The following RSU1 variants were observed in gnomAD, a reference collection of about 807,000 sequenced individuals.
RSU1 encodes Ras suppressor protein 1.
RSU1 carries 26 observed loss-of-function variants against 31.1 expected under a neutral mutation model. The ratio of observed to expected loss-of-function variants is 0.84; its 90% CI spans 0.61 to 1.16. The LOEUF (loss-of-function observed/expected upper bound fraction) is 1.16, where lower values mean the gene tolerates loss of function less well. Ranked by LOEUF, RSU1 falls within the 50% of genes most tolerant of loss-of-function variation. RSU1 has a pLI of 0.00. For missense variants in RSU1, 320 were observed against 339.1 expected (o/e 0.94, Z 0.44); for synonymous variants, 164 against 136.3 (o/e 1.20, Z -1.41).
chr10:16,811,053 T>C (rs1838398368), intron 2 of RSU1, among the ~76,000 whole-genome samples: 1 of 152,130 alleles, frequency 6.6e-6, no homozygotes, highest in Non-Finnish European at 1.5e-5. Flanking sequence ...ACCACAAATA[T>C]GACAGCGGTC....
At chr10:16,666,494 T>G (rs1310123943) in intron 8 of RSU1, among the ~76,000 whole-genome samples, 2 of 152,198 alleles carry the variant, frequency 1.3e-5, no homozygotes, top group Non-Finnish European at 2.9e-5. Context: ...GAGAGTTATC[T>G]GGGCCAGGCG....
At chr10:16,808,913 T>C (rs529682355) in intron 2 of RSU1, among the ~76,000 whole-genome samples, 5 of 152,256 alleles carry the variant, frequency 3.3e-5, no homozygotes, top group East Asian at 3.9e-4. Flanking sequence ...GGGAAGATCA[T>C]GTGAGCACAG....
intron 3 of RSU1, among the ~76,000 whole-genome samples, chr10:16,779,246 G>A (rs1007868885): frequency 6.6e-6 from 1 of 152,154 alleles, no homozygotes; most frequent in Non-Finnish European, 1.5e-5. Flanking sequence ...ACAGCAATTA[G>A]CTTGACAATA....
intron 2 of RSU1, among the ~76,000 whole-genome samples, chr10:16,805,498 T>C (rs572689538): frequency 9.8e-4 from 148 of 151,530 alleles, no homozygotes; most frequent in African/African-American, 2.9e-3. Flanking sequence ...GGTGAAACCC[T>C]GTCTCTACTA....
intron 8 of RSU1, among the ~76,000 whole-genome samples, chr10:16,655,828 C>T (rs2131520758): frequency 6.6e-6 from 1 of 152,266 alleles, no homozygotes; most frequent in African/African-American, 2.4e-5. Flanking sequence ...AATGCTATTG[C>T]ACGCCCAATA....
chr10:16,699,344 A>C (rs1016326351), intron 7 of RSU1, among the ~76,000 whole-genome samples: 3 of 152,210 alleles, frequency 2.0e-5, no homozygotes, highest in African/African-American at 7.2e-5. Context: ...CCAGTTGGGG[A>C]TGAAGCAATT....
chr10:16,661,602 A>T (rs1381086218), intron 8 of RSU1, among the ~76,000 whole-genome samples: 1 of 152,158 alleles, frequency 6.6e-6, no homozygotes, highest in East Asian at 1.9e-4. Flanking sequence ...TTTTTCCTTG[A>T]TGTAGAGCAA....
chr10:16,742,571 G>C (rs1005270128), intron 7 of RSU1, among the ~76,000 whole-genome samples: 1 of 151,188 alleles, frequency 6.6e-6, no homozygotes, highest in African/African-American at 2.4e-5. Context: ...TATGTATTGA[G>C]GTGATAACAA....
intron 5 of RSU1, among the ~76,000 whole-genome samples, chr10:16,753,920 G>A (rs186004207): frequency 5.9e-5 from 9 of 152,106 alleles, no homozygotes; most frequent in Admixed American, 5.9e-4. Flanking sequence ...ACTATGCCTG[G>A]CTACTTTTTA....
chr10:16,610,299 T>G (rs1308519077), intron 8 of RSU1, among the ~76,000 whole-genome samples: 1 of 152,214 alleles, frequency 6.6e-6, no homozygotes, highest in Non-Finnish European at 1.5e-5. Context: ...AAGCTGAATA[T>G]GGTGGAGTTG....
intron 2 of RSU1, among the ~76,000 whole-genome samples, chr10:16,810,204 C>A (rs1286919845): frequency 6.6e-6 from 1 of 151,812 alleles, no homozygotes; most frequent in African/African-American, 2.4e-5. Context: ...GCACTCCAGC[C>A]TGGGCAACAG....
intron 8 of RSU1, among the ~76,000 whole-genome samples, chr10:16,622,546 TACACACAC>T (rs1215467815): frequency 2.0e-5 from 3 of 152,138 alleles, no homozygotes; most frequent in Non-Finnish European, 4.4e-5. Flanking sequence ...ACAGAGGGTT[TACACACAC>T]ACATACACAC....
At chr10:16,681,462 G>A (rs571754563) in intron 8 of RSU1, among the ~76,000 whole-genome samples, 6 of 152,056 alleles carry the variant, frequency 3.9e-5, no homozygotes, top group South Asian at 4.2e-4. Flanking sequence ...CCATTTTCCC[G>A]TAACAATTTG....
intron 8 of RSU1, among the ~76,000 whole-genome samples, chr10:16,644,942 T>C (rs1564297618): frequency 2.0e-5 from 3 of 152,322 alleles, no homozygotes. Flanking sequence ...CCTGGTCTAA[T>C]TTTATCTGCA....
intron 3 of RSU1, among the ~76,000 whole-genome samples, chr10:16,774,523 T>A (rs751544985): frequency 2.6e-5 from 4 of 152,146 alleles, no homozygotes; most frequent in Admixed American, 6.5e-5. Flanking sequence ...TGAGCCGAAA[T>A]CACGCCACCG....
chr10:16,707,070 GAGA>G (rs1302920953), intron 7 of RSU1, among the ~76,000 whole-genome samples: 1 of 152,178 alleles, frequency 6.6e-6, no homozygotes, highest in Admixed American at 6.6e-5. Context: ...TGTGGCAAAT[GAGA>G]AGATTTCATA....
chr10:16,698,398 C>T (rs539118472), intron 7 of RSU1, among the ~76,000 whole-genome samples: 28 of 152,246 alleles, frequency 1.8e-4, no homozygotes, highest in Admixed American at 1.2e-3. Context: ...CTACTACTGA[C>T]GGCCTGCAAA....
intron 8 of RSU1, among the ~76,000 whole-genome samples, chr10:16,685,177 G>T (rs562354068): frequency 6.6e-6 from 1 of 152,184 alleles, no homozygotes; most frequent in Non-Finnish European, 1.5e-5. Context: ...TTGAACCTGG[G>T]AGGCAAAGGT....
intron 8 of RSU1, among the ~76,000 whole-genome samples, chr10:16,619,331 G>A (rs1174982007): frequency 6.6e-6 from 1 of 152,194 alleles, no homozygotes; most frequent in Non-Finnish European, 1.5e-5. Context: ...TTCCAGATAG[G>A]AGTCTTCACT....
Sources: gnomAD v4.1 joint callset for allele counts (sites outside exome capture counted in the v4.1 genomes callset) on GRCh38, gnomAD v4.1.1 for gene constraint, MANE v1.5 for transcripts, NCBI Gene and HGNC (gene_info 2026-07-23, HGNC 2026-07-21) for gene names.